ARHGEF7: variants seen among roughly 807,000 people sequenced by gnomAD.
ARHGEF7 encodes PAK-interacting exchange factor beta.
Under a neutral mutation model 109.8 loss-of-function variants are expected in ARHGEF7, and 33 were observed. The ratio of observed to expected loss-of-function variants is 0.30; its 90% CI spans 0.23 to 0.40. The LOEUF is 0.40. Ranked by LOEUF, ARHGEF7 falls within the 10% of genes least tolerant of loss-of-function variation. The probability of loss-of-function intolerance (pLI) is 1.00; values close to 1 mark genes in which losing one functional copy is unlikely to be tolerated. For missense variants in ARHGEF7, 938 were observed against 1,098.5 expected (o/e 0.85, Z 2.07); for synonymous variants, 458 against 424.6 (o/e 1.08, Z -0.97).
chr13:111,203,298 C>G (rs2081398233), intron 2 of ARHGEF7, among the ~76,000 whole-genome samples: 1 of 152,118 alleles, frequency 6.6e-6, no homozygotes, highest in African/African-American at 2.4e-5. Flanking sequence ...GAAGCTGAGG[C>G]CTATTTAATT....
chr13:111,178,263 A>G (rs891138812), intron 2 of ARHGEF7, among the ~76,000 whole-genome samples: 1 of 152,178 alleles, frequency 6.6e-6, no homozygotes, highest in Non-Finnish European at 1.5e-5. Context: ...CAGCGAGAGA[A>G]CAGGTTCCCA....
chr13:111,162,851 A>C (rs1200860286), intron 2 of ARHGEF7, among the ~76,000 whole-genome samples: 2 of 152,260 alleles, frequency 1.3e-5, no homozygotes, highest in African/African-American at 2.4e-5. Context: ...CTGAAACTCA[A>C]AACTTGTTGA....
At chr13:111,179,226 G>A (rs1301150917) in intron 2 of ARHGEF7, among the ~76,000 whole-genome samples, 3 of 151,992 alleles carry the variant, frequency 2.0e-5, no homozygotes, top group Non-Finnish European at 2.9e-5. Context: ...TTACAGGCAC[G>A]TGCCATCACT....
intron 3 of ARHGEF7, among the ~76,000 whole-genome samples, chr13:111,207,653 G>C (rs1385556368): frequency 6.6e-6 from 1 of 152,234 alleles, no homozygotes; most frequent in African/African-American, 2.4e-5. Flanking sequence ...TGCTTTTGCT[G>C]TAAGTGGGGG....
At chr13:111,276,904 T>A (rs1022228591) in intron 12 of ARHGEF7, among the ~76,000 whole-genome samples, 2 of 152,238 alleles carry the variant, frequency 1.3e-5, no homozygotes, top group African/African-American at 4.8e-5. Flanking sequence ...CTTTTTGGAT[T>A]CTTAGGAACT....
chr13:111,271,205 T>C (rs1374429399), intron 9 of ARHGEF7, among the ~76,000 whole-genome samples: 1 of 152,190 alleles, frequency 6.6e-6, no homozygotes, highest in Non-Finnish European at 1.5e-5. Context: ...GTCCTGTGGC[T>C]CCTCCTCTGT....
At chr13:111,201,506 C>T (rs1019372684) in intron 2 of ARHGEF7, among the ~76,000 whole-genome samples, 1 of 152,176 alleles carries the variant, frequency 6.6e-6, no homozygotes. Context: ...GTAGATGATT[C>T]TTCTCTCTGT....
At chr13:111,157,667 C>T (rs920003836) in intron 2 of ARHGEF7, among the ~76,000 whole-genome samples, 4 of 152,154 alleles carry the variant, frequency 2.6e-5, no homozygotes, top group African/African-American at 9.7e-5. Flanking sequence ...TAGGACATTT[C>T]TTTGCATTTT....
At chr13:111,119,941 A>G (rs1466908399) in intron 1 of ARHGEF7, among the ~76,000 whole-genome samples, 3 of 152,178 alleles carry the variant, frequency 2.0e-5, no homozygotes, top group African/African-American at 7.2e-5. Context: ...AGCCGTCATA[A>G]AGACTTGTTG....
At chr13:111,192,693 T>A (rs1016215745) in intron 2 of ARHGEF7, among the ~76,000 whole-genome samples, 1 of 152,276 alleles carries the variant, frequency 6.6e-6, no homozygotes, top group South Asian at 2.1e-4. Flanking sequence ...GCAGTGAAGG[T>A]GATATTGTAT....
chr13:111,285,306 T>C (rs1423953574), intron 16 of ARHGEF7, among the ~76,000 whole-genome samples: 2 of 152,238 alleles, frequency 1.3e-5, no homozygotes, highest in African/African-American at 4.8e-5. Flanking sequence ...GTTTCCAGCC[T>C]GGTTCATTCC....
chr13:111,183,092 A>G (rs1170071629), intron 2 of ARHGEF7, among the ~76,000 whole-genome samples: 1 of 152,178 alleles, frequency 6.6e-6, no homozygotes, highest in Non-Finnish European at 1.5e-5. Flanking sequence ...GATGTACCCC[A>G]TTGTGAGTTG....
At chr13:111,153,492 G>A (rs1228718254) in intron 1 of ARHGEF7, among the ~76,000 whole-genome samples, 1 of 152,084 alleles carries the variant, frequency 6.6e-6, no homozygotes, top group African/African-American at 2.4e-5. Context: ...GGGGCCAACC[G>A]GTGGGCTCCC....
rs2093605096 is a variant in ARHGEF7 at position 111,303,002 on chromosome 13, G to T, written c.2478G>T (p.Lys826Asn). ...TGCTTAATTTACAGGACAACAAAAA[G>T]ATGAAGAAATCTCTAGAGGAAGAAC... ...EVQELRQDNKKMKKSLEEEQR... is the reference protein window; with the variant it reads ...EVQELRQDNKNMKKSLEEEQR... The change falls in exon 22 of 22, where the codon AAG (lysine) becomes AAT (asparagine). Residue 826 changes from lysine (K) to asparagine (N), a missense_variant. Lys to Asn is a moderately conservative substitution (Grantham distance 94, BLOSUM62 0). Transcript: ENST00000646102. 6.2e-7 allele frequency: 1 copy of T among 1,614,030 alleles called. No individual in the cohort carries two copies. Among genetic ancestry groups the T allele is most frequent in the South Asian group, 1.1e-5 (1 of 91,082 alleles).
At chr13:111,118,516 A>G (rs2153310219) in intron 1 of ARHGEF7, among the ~76,000 whole-genome samples, 2 of 152,214 alleles carry the variant, frequency 1.3e-5, no homozygotes, top group East Asian at 3.9e-4. Context: ...GAGATCCTGC[A>G]CTTTGGTTTT....
rs1236232968 is a variant in ARHGEF7, at chr13:111,304,487, C to A, written c.*1374C>A. 2.6e-5 allele frequency: 4 copies of A among 152,212 alleles called. No homozygotes were observed. Among genetic ancestry groups the A allele is most frequent in the African/African-American group, 9.7e-5 (4 of 41,450 alleles). 9.4% of individuals were successfully genotyped at this position (152,212 alleles called of 1,614,324 possible). A position where few individuals can be genotyped will look rare whatever the true frequency, so the allele number is the denominator to read the frequency against. ...ATCTTTAAAAACCCAAATTGCAGCACCGTGGATTACTGGTCTCAGAACAAC... is the reference window on the plus strand; with the variant it reads ...ATCTTTAAAAACCCAAATTGCAGCAACGTGGATTACTGGTCTCAGAACAAC... On this transcript the variant is annotated 3_prime_UTR_variant, in exon 22 of 22. Transcript: ENST00000646102.
At chr13:111,302,845 G>T in intron 21 of ARHGEF7, 146 bp from the exon 22 acceptor site, 1 of 997,810 alleles carries the variant, frequency 1.0e-6, no homozygotes, top group Non-Finnish European at 1.5e-6. Flanking sequence ...GACCTTCGTG[G>T]ATCCCCACGA....
chr13:111,241,636 A>G (rs966531499), intron 6 of ARHGEF7, among the ~76,000 whole-genome samples: 1 of 152,228 alleles, frequency 6.6e-6, no homozygotes, highest in African/African-American at 2.4e-5. Flanking sequence ...TTTCATTTCT[A>G]CAACCAGCGC....
At chr13:111,215,368 GC>G (rs1457205650) in intron 4 of ARHGEF7, among the ~76,000 whole-genome samples, 1 of 88,920 alleles carries the variant, frequency 1.1e-5, no homozygotes, top group Non-Finnish European at 2.8e-5. Flanking sequence ...TAAATAAAGT[GC>G]CCTTTTTTTT....
Sources: gnomAD v4.1 joint callset for allele counts (sites outside exome capture counted in the v4.1 genomes callset) on GRCh38, gnomAD v4.1.1 for gene constraint, MANE v1.5 for transcripts, NCBI Gene and HGNC (gene_info 2026-07-23, HGNC 2026-07-21) for gene names.